Variants in BRINP1 observed in about 807,000 individuals in gnomAD.
The protein encoded by BRINP1 is BMP/retinoic acid inducible neural specific 1.
BRINP1 carries 17 observed loss-of-function variants against 72.9 expected under a neutral mutation model. The observed-to-expected ratio is 0.23, with a 90% CI of 0.16 to 0.35. The LOEUF (loss-of-function observed/expected upper bound fraction) is 0.35, where lower values mean the gene tolerates loss of function less well. Ranked by LOEUF, BRINP1 falls within the 10% of genes least tolerant of loss-of-function variation. The pLI is 1.00. For missense variants in BRINP1, 850 were observed against 1,001.6 expected, an observed-to-expected ratio of 0.85 and a Z score of 2.04; for synonymous variants, 418 against 378.5, an observed-to-expected ratio of 1.10 and a Z score of -1.21.
At chr9:119,206,801 G>A (rs540780319) in intron 7 of BRINP1, among the ~76,000 whole-genome samples, 2 of 152,302 alleles carry the variant, frequency 1.3e-5, no homozygotes, top group East Asian at 3.9e-4. Flanking sequence ...CATGGCAGAT[G>A]TGTGATGGAT....
chr9:119,347,641 C>T (rs1488178051), intron 1 of BRINP1, among the ~76,000 whole-genome samples: 1 of 151,974 alleles, frequency 6.6e-6, no homozygotes, highest in Non-Finnish European at 1.5e-5. Context: ...TCTCACTGTC[C>T]ACCCGCTTCC....
At chr9:119,215,636 T>C (rs1178585321) in intron 5 of BRINP1, among the ~76,000 whole-genome samples, 1 of 152,234 alleles carries the variant, frequency 6.6e-6, no homozygotes, top group Non-Finnish European at 1.5e-5. Flanking sequence ...TCTAGATTTT[T>C]ATCTTTTTTC....
intron 2 of BRINP1, among the ~76,000 whole-genome samples, chr9:119,254,851 T>C (rs1830428929): frequency 6.6e-6 from 1 of 152,212 alleles, no homozygotes; most frequent in African/African-American, 2.4e-5. Flanking sequence ...CAAAAGCAAG[T>C]GCCCAAATAT....
intron 1 of BRINP1, among the ~76,000 whole-genome samples, chr9:119,331,513 C>T (rs147190437): frequency 1.4e-4 from 21 of 152,316 alleles, no homozygotes; most frequent in Admixed American, 2.0e-4. Context: ...TATATAACAT[C>T]GGGAGGTTCC....
At chr9:119,222,082 T>C (rs1404579375) in intron 5 of BRINP1, among the ~76,000 whole-genome samples, 2 of 152,134 alleles carry the variant, frequency 1.3e-5, no homozygotes, top group African/African-American at 4.8e-5. Context: ...GTGATGTGTG[T>C]CTTTTCCAAA....
At chr9:119,330,150 G>A (rs140665071) in intron 1 of BRINP1, among the ~76,000 whole-genome samples, 29 of 152,186 alleles carry the variant, frequency 1.9e-4, no homozygotes, top group East Asian at 7.7e-4. Context: ...CTCAGAATTC[G>A]AAAAGACACT....
At position 119,167,163 on chromosome 9, in the gene BRINP1, A is replaced by G. The variant is rs142374805; in HGVS notation, c.2207T>C (p.Ile736Thr). Residue 736 changes from isoleucine (I) to threonine (T), a missense_variant, in exon 8 of 8, where the codon ATC becomes ACC. Ile to Thr is a moderately conservative substitution (Grantham distance 89, BLOSUM62 -1). Transcript: ENST00000265922. The surrounding 1 kb of genome is among the most constrained non-coding windows in gnomAD (Gnocchi z 4.3). ...CAGGTCCAAGGCGTGGTTCACCCTG[A>G]TGATCTCGCTGTTGGTCAGTTTCAG... is the stretch of plus-strand genomic sequence containing the variant. ...HRLKLTNSEI[I>T]RVNHALDLYN... 1.8e-5 allele frequency: 29 copies of G among 1,614,006 alleles called. No individual in the cohort carries two copies. The African/African-American group carries it at 3.3e-4, about 19-fold the overall frequency.
chr9:119,201,562 C>T (rs1166679887), intron 7 of BRINP1, among the ~76,000 whole-genome samples: 1 of 152,206 alleles, frequency 6.6e-6, no homozygotes, highest in Non-Finnish European at 1.5e-5. Flanking sequence ...CACTACTCAA[C>T]CTGTACCTCA....
Position 119,176,584 on chromosome 9 carries a change from C to G in BRINP1, c.1146-8360G>C, listed in dbSNP as rs376410459. Among the ~76,000 whole-genome samples, 128 of 152,226 alleles carry G rather than the reference C, an allele frequency of 8.4e-4. No homozygotes were observed. In the South Asian group the frequency reaches 0.022, roughly 27 times the overall value. ...TCTTTTTAAGTCTCAGTATCAATAT[C>G]TAAAATGAGGATAATAAAGCCCATC... is the stretch of plus-strand genomic sequence containing the variant. On this transcript the variant is annotated intron_variant, in intron 7 of 7. Coordinates refer to ENST00000265922, the MANE Select transcript of BRINP1 (RefSeq NM_014618.3).
At chr9:119,305,033 A>G (rs1830980706) in intron 2 of BRINP1, among the ~76,000 whole-genome samples, 1 of 152,238 alleles carries the variant, frequency 6.6e-6, no homozygotes. Flanking sequence ...AAACTCTGCT[A>G]ATCACACATG....
intron 7 of BRINP1, among the ~76,000 whole-genome samples, chr9:119,170,113 G>A (rs562249162): frequency 0.025 from 3,737 of 152,072 alleles, 72 homozygotes; most frequent in African/African-American, 0.057. Flanking sequence ...CACCAGCAAC[G>A]GAACAAAGCT....
chr9:119,226,584 C>T (rs1830094133), intron 5 of BRINP1, among the ~76,000 whole-genome samples: 1 of 151,974 alleles, frequency 6.6e-6, no homozygotes, highest in Admixed American at 6.6e-5. Flanking sequence ...CCTCCAGATT[C>T]CAGGTTTCTG....
chr9:119,223,821 C>G (rs537967544), intron 5 of BRINP1, among the ~76,000 whole-genome samples: 5 of 151,980 alleles, frequency 3.3e-5, no homozygotes, highest in Admixed American at 1.3e-4. Context: ...TAGTTACAGA[C>G]ATGTGCTCAG....
chr9:119,315,094 T>C (rs952987670), intron 1 of BRINP1, among the ~76,000 whole-genome samples: 12 of 152,236 alleles, frequency 7.9e-5, no homozygotes, highest in African/African-American at 2.4e-4. Context: ...CTCTGAGCTA[T>C]AGTTGCTCAT....
At chr9:119,169,931 G>C (rs1339027171) in intron 7 of BRINP1, among the ~76,000 whole-genome samples, 1 of 151,882 alleles carries the variant, frequency 6.6e-6, no homozygotes, top group Admixed American at 6.5e-5. Context: ...CTATCTGTTA[G>C]AAGGAAAACT....
chr9:119,352,193 C>G (rs1255787522), intron 1 of BRINP1, among the ~76,000 whole-genome samples: 2 of 152,224 alleles, frequency 1.3e-5, no homozygotes, highest in Non-Finnish European at 2.9e-5. Context: ...TGTGCAGAAG[C>G]TCCATCTGTC....
chr9:119,325,116 GAA>G (rs1491533806), intron 1 of BRINP1, among the ~76,000 whole-genome samples: 1 of 151,154 alleles, frequency 6.6e-6, no homozygotes, highest in African/African-American at 2.4e-5. Flanking sequence ...AAGAAAGAAA[GAA>G]AGAGAGAGAG....
intron 7 of BRINP1, among the ~76,000 whole-genome samples, chr9:119,176,281 AGATGGT>A (rs935997172): frequency 6.6e-6 from 1 of 152,256 alleles, no homozygotes; most frequent in East Asian, 1.9e-4. Context: ...CGTGCTGTGG[AGATGGT>A]GATGGTGATG....
rs1830172806 is a variant in BRINP1 at position 119,234,210 on chromosome 9, T to C, written c.685+4445A>G. On this transcript the variant is annotated intron_variant, in intron 5 of 7. Coordinates refer to ENST00000265922, the MANE Select transcript of BRINP1 (RefSeq NM_014618.3). ...AGACACTGCCAAGAATTTTCCGAAG[T>C]GATTGTACCAATTTGTGTTCCTATA... 1.3e-5 allele frequency among the ~76,000 whole-genome samples: 2 copies of C among 152,226 alleles called. 1 individual carries two copies. Among genetic ancestry groups the C allele is most frequent in the South Asian group, 4.1e-4 (2 of 4,834 alleles).
Sources: allele counts gnomAD v4.1 joint callset (sites outside exome capture counted in the v4.1 genomes callset), GRCh38; gene constraint gnomAD v4.1.1; non-coding constraint Gnocchi (gnomAD v3.1); transcripts MANE v1.5; gene names NCBI Gene and HGNC (gene_info 2026-07-23, HGNC 2026-07-21).